Variants in HCN2 observed in about 807,000 individuals in gnomAD.
The protein encoded by HCN2 is potassium/sodium hyperpolarization-activated cyclic nucleotide-gated channel 2.
In HCN2, 20 loss-of-function variants were observed where a neutral mutation model predicts 52.3. The ratio of observed to expected loss-of-function variants is 0.38; its 90% confidence interval spans 0.27 to 0.56. HCN2 has a LOEUF of 0.56. Ranked by LOEUF, HCN2 falls within the 20% of genes least tolerant of loss-of-function variation. The probability of loss-of-function intolerance (pLI) is 0.71; values close to 1 mark genes in which losing one functional copy is unlikely to be tolerated. For synonymous variants in HCN2, 694 were observed against 537.0 expected (o/e 1.29, Z -4.04); for missense variants, 981 against 1,207.7 (o/e 0.81, Z 2.78).
chr19:613,350 G>A lies in HCN2; in HGVS notation c.1687G>A (p.Glu563Lys), dbSNP rs747405205. The part of the protein sequence containing the change: ...VTAMLTKLKF[E>K]VFQPGDYIIR... Reference sequence around the variant, plus strand: ...GGCCATGCTGACCAAGCTCAAGTTCGAGGTCTTCCAGCCGGGTGACTACAT... The same window carrying A: ...GGCCATGCTGACCAAGCTCAAGTTCAAGGTCTTCCAGCCGGGTGACTACAT... Residue 563 changes from glutamate to lysine, a missense_variant, in exon 6 of 8, where the codon GAG becomes AAG. Coordinates refer to ENST00000251287, the MANE Select transcript of HCN2 (RefSeq NM_001194.4). 2.5e-6 allele frequency: 4 copies of A among 1,613,048 alleles called. No homozygotes were observed. Among genetic ancestry groups the A allele is most frequent in the Non-Finnish European group, 3.4e-6 (4 of 1,179,920 alleles).
At chr19:607,502 G>A (rs554067551) in intron 3 of HCN2, among the ~76,000 whole-genome samples, 9 of 152,350 alleles carry the variant, frequency 5.9e-5, no homozygotes, top group Admixed American at 2.6e-4. Context: ...CCGCACATGC[G>A]GTCCCATTTC....
intron 1 of HCN2, among the ~76,000 whole-genome samples, chr19:601,526 G>GTGGTCA (rs140779247): frequency 0.11 from 16,033 of 148,592 alleles, 1,014 homozygotes; most frequent in Admixed American, 0.21. Context: ...ACACAGCGGA[G>GTGGTCA]TGGTCGTCGT....
rs1261726687 is a variant in HCN2 at position 616,308 on chromosome 19, C to A, written c.2504C>A (p.Ala835Glu). The change falls in exon 8 of 8, where the codon GCG (alanine) becomes GAG (glutamate). Residue 835 changes from alanine (A) to glutamate (E), a missense_variant. Ala to Glu is a moderately radical substitution (Grantham distance 107). Coordinates refer to ENST00000251287, the MANE Select transcript of HCN2 (RefSeq NM_001194.4). ...PSLPHGAPGP[A>E]ASTRPASSST... ...CTGCCTCACGGCGCCCCCGGCCCCG[C>A]GGCCTCCACACGCCCGGCCAGCAGC... 1 of 1,115,972 alleles carries A rather than the reference C, an allele frequency of 9.0e-7. No homozygotes were observed. Among genetic ancestry groups the A allele is most frequent in the African/African-American group, 1.7e-5 (1 of 59,420 alleles). 69.1% of individuals were successfully genotyped at this position (1,115,972 alleles called of 1,614,324 possible). A position where few individuals can be genotyped will look rare whatever the true frequency, so the allele number is the denominator to read the frequency against.
intron 7 of HCN2, 51 bp downstream of exon 7, chr19:614,067 C>G: frequency 7.4e-7 from 1 of 1,345,136 alleles, no homozygotes; most frequent in Non-Finnish European, 9.9e-7. Flanking sequence ...GGGGGAGGGG[C>G]GTGGCCAAGG....
rs1374193841 is a variant in HCN2 at position 617,071 on chromosome 19, C to G, written c.*597C>G. ...CGCCGTGATGAATGTACTGACGAGC[C>G]GAGGCAGCAGTGCCCCCACCGTGGC... On this transcript the variant is annotated 3_prime_UTR_variant, in exon 8 of 8. Coordinates refer to ENST00000251287, the MANE Select transcript of HCN2 (RefSeq NM_001194.4). 1.2e-5 allele frequency: 7 copies of G among 584,244 alleles called. No homozygotes were observed. The highest frequency in any genetic ancestry group is 1.9e-5 in the South Asian group (1 of 52,028). The allele number at this position is 584,244 out of a possible 1,614,324, so 36.2% of individuals were successfully genotyped here. A position where few individuals can be genotyped will look rare whatever the true frequency, so the allele number is the denominator to read the frequency against.
At position 613,583 on chromosome 19, in the gene HCN2, ATGGGGATGGGGATGGGGATG is replaced by A. The variant is rs1983745190; in HGVS notation, c.1825+96_1825+115del. ...GCCGGGGCCGGGGCCGGGGCCGGGG[ATGGGGATGGGGATGGGGATG>A]GGGCCGGGGATGGGGATGGGGATGG... On this transcript the variant is annotated intron_variant, in intron 6 of 7. Coordinates refer to ENST00000251287, the MANE Select transcript of HCN2 (RefSeq NM_001194.4). 2.3e-4 allele frequency: 17 copies of A among 75,214 alleles called. 4 individuals carry two copies. The South Asian group carries it at 2.9e-3, about 13-fold the overall frequency. 4.7% of individuals were successfully genotyped at this position (75,214 alleles called of 1,614,324 possible).
chr19:617,095 G>A lies in HCN2; in HGVS notation c.*621G>A, dbSNP rs1984001051. The stretch of plus-strand genomic sequence containing the variant: ...CCGAGGCAGCAGTGCCCCCACCGTG[G>A]CCCCCCACGCCCCATTAACCCCCAC... On this transcript the variant is annotated 3_prime_UTR_variant, in exon 8 of 8. Transcript: ENST00000251287. 5 of 513,436 alleles carry A rather than the reference G, an allele frequency of 9.7e-6. No individual in the cohort carries two copies. The highest frequency in any genetic ancestry group is 5.6e-4 in the Middle Eastern group (1 of 1,782). The allele number at this position is 513,436 out of a possible 1,614,324, so 31.8% of individuals were successfully genotyped here. A position where few individuals can be genotyped will look rare whatever the true frequency, so the allele number is the denominator to read the frequency against.
Position 603,623 on chromosome 19 carries a change from G to A in HCN2, c.712G>A (p.Asp238Asn). 6.2e-7 allele frequency: 1 copy of A among 1,612,242 alleles called. No homozygotes were observed. The highest frequency in any genetic ancestry group is 8.5e-7 in the Non-Finnish European group (1 of 1,179,474). Residue 238 changes from aspartate to asparagine, a missense_variant, in exon 2 of 8, where the codon GAT becomes AAT. By Grantham distance (23) the Asp-to-Asn change is conservative (BLOSUM62 1). This residue lies in a region of HCN2 where 282 missense variants were observed against 553.8 expected (regional missense o/e 0.51). Coordinates refer to ENST00000251287, the MANE Select transcript of HCN2 (RefSeq NM_001194.4). ...IIPVGITFFK[D>N]ETTAPWIVFN... ...CCCAGTGGGCATCACCTTCTTCAAG[G>A]ATGAGACCACTGCCCCGTGGATCGT... is the stretch of plus-strand genomic sequence containing the variant.
intron 4 of HCN2, among the ~76,000 whole-genome samples, chr19:609,986 C>T (rs565526066): frequency 1.2e-3 from 188 of 152,328 alleles, no homozygotes; most frequent in Non-Finnish European, 2.0e-3. Context: ...TGAATCTGGC[C>T]GCCCCTGTGT....
At chr19:600,624 C>T (rs899348851) in intron 1 of HCN2, among the ~76,000 whole-genome samples, 7 of 151,944 alleles carry the variant, frequency 4.6e-5, no homozygotes, top group South Asian at 4.2e-4. Flanking sequence ...GGATTACAGA[C>T]GTGAGCCACC....
Position 590,344 on chromosome 19 carries a change from G to T in HCN2, c.399G>T (p.Gly133=). 9.3e-7 allele frequency: 1 copy of T among 1,076,458 alleles called. No homozygotes were observed. The highest frequency in any genetic ancestry group is 1.1e-6 in the Non-Finnish European group (1 of 891,062). 66.7% of individuals were successfully genotyped at this position (1,076,458 alleles called of 1,614,324 possible). A position where few individuals can be genotyped will look rare whatever the true frequency, so the allele number is the denominator to read the frequency against. The part of the protein sequence containing the change: ...VSFSCRGAAS[G]PAPGPGPAEE... ...TCTCGTGCCGCGGGGCGGCCTCGGG[G>T]CCCGCGCCGGGGCCGGGGCCGGCGG... Residue 133 remains glycine, a synonymous_variant, in exon 1 of 8, where the codon GGG becomes GGT. Transcript: ENST00000251287. The surrounding 1 kb of genome is among the most constrained non-coding windows in gnomAD (Gnocchi z 7.2).
rs1306300973 is a variant in HCN2, at chr19:591,284, C to T, written c.632+707C>T. On this transcript the variant is annotated intron_variant, in intron 1 of 7. Transcript: ENST00000251287. This position sits in a 1 kb window ranked among gnomAD's most constrained non-coding sequence, Gnocchi z 4.1. ...GCCGGAGAGCGAGACCGGCGCGTGT[C>T]CCCGTGGGCTGTGTGTGAACAGGGG... 1 of 152,258 alleles carries T rather than the reference C, an allele frequency of 6.6e-6. No individual in the cohort carries two copies. The highest frequency in any genetic ancestry group is 2.4e-5 in the African/African-American group (1 of 41,420). 9.4% of individuals were successfully genotyped at this position (152,258 alleles called of 1,614,324 possible). A position where few individuals can be genotyped will look rare whatever the true frequency, so the allele number is the denominator to read the frequency against.
At position 590,248 on chromosome 19, in the gene HCN2, G is replaced by A; in HGVS notation, c.303G>A (p.Glu101=). ...CGGCCAAGGGCAGCCCGAACGGCGA[G>A]TGCGGGCGCGGCGAGCCGCAGTGCA... is the stretch of plus-strand genomic sequence containing the variant. ...ASTAKGSPNG[E]CGRGEPQCSP... The change falls in exon 1 of 8, where the codon GAG becomes GAA. Residue 101 remains glutamate, a synonymous_variant. Coordinates refer to ENST00000251287, the MANE Select transcript of HCN2 (RefSeq NM_001194.4). This position sits in a 1 kb window ranked among gnomAD's most constrained non-coding sequence, Gnocchi z 7.2. 2 of 988,896 alleles carry A rather than the reference G, an allele frequency of 2.0e-6. No homozygotes were observed. Among genetic ancestry groups the A allele is most frequent in the Non-Finnish European group, 2.4e-6 (2 of 833,946 alleles). 61.3% of individuals were successfully genotyped at this position (988,896 alleles called of 1,614,324 possible).
Position 590,071 on chromosome 19 carries a change from GCC to G in HCN2, c.133_134del (p.Pro45GlyfsTer23). 1.0e-5 allele frequency: 6 copies of G among 588,292 alleles called. No individual in the cohort carries two copies. The highest frequency in any genetic ancestry group is 8.4e-6 in the Non-Finnish European group (4 of 478,218). 36.4% of individuals were successfully genotyped at this position (588,292 alleles called of 1,614,324 possible). A position where few individuals can be genotyped will look rare whatever the true frequency, so the allele number is the denominator to read the frequency against. On this transcript the variant is annotated frameshift_variant, in exon 1 of 8. Transcript: ENST00000251287. LOFTEE classifies it high-confidence loss of function. This position sits in a 1 kb window ranked among gnomAD's most constrained non-coding sequence, Gnocchi z 7.2. ...QQPPPPPPPA[P>X]PPGPGPAPPQ... ...AGCCGCCGCCGCCGCCGCCGCCCGC[GCC>G]CCCCCCGGGCCCCGGGCCCGCGCCC...
Position 613,998 on chromosome 19 carries a change from G to A in HCN2, c.1972G>A (p.Asp658Asn), listed in dbSNP as rs1489542194. 1.3e-6 allele frequency: 2 copies of A among 1,592,314 alleles called. No homozygotes were observed. The highest frequency in any genetic ancestry group is 1.7e-6 in the Non-Finnish European group (2 of 1,169,982). ...MRRAFETVAI[D>N]RLDRIGKKNS... is the part of the protein sequence containing the mutation. ...GCGCGCCTTCGAGACGGTGGCCATC[G>A]ACCGCCTGGACCGCATCGGTGAGCG... The change falls in exon 7 of 8, where the codon GAC (aspartate) becomes AAC (asparagine). Residue 658 changes from aspartate to asparagine, a missense_variant. Coordinates refer to ENST00000251287, the MANE Select transcript of HCN2 (RefSeq NM_001194.4).
In HCN2 at chr19:613,298, C is replaced by T. The variant is rs762729967; in HGVS notation, c.1635C>T (p.Phe545=). 5 of 1,612,886 alleles carry T rather than the reference C, an allele frequency of 3.1e-6. No homozygotes were observed. The highest frequency in any genetic ancestry group is 1.7e-5 in the Admixed American group (1 of 59,996). The change falls in exon 6 of 8, where the codon TTC becomes TTT. Residue 545 remains phenylalanine (F), a synonymous_variant. Coordinates refer to ENST00000251287, the MANE Select transcript of HCN2 (RefSeq NM_001194.4). ...AGCTGGTGGCCTCCATGCCGCTGTT[C>T]GCCAACGCCGACCCCAACTTCGTCA... ...CRKLVASMPL[F]ANADPNFVTA...
chr19:610,919 C>CA (rs1051687329), intron 5 of HCN2, among the ~76,000 whole-genome samples: 4 of 152,212 alleles, frequency 2.6e-5, no homozygotes, highest in African/African-American at 9.7e-5. Context: ...GTGCTACCCC[C>CA]CCGGAGCCCC....
At position 613,492 on chromosome 19, in the gene HCN2, A is replaced by G. The variant is rs1600538119; in HGVS notation, c.1825+4A>G. The G allele has an allele frequency of 7.3e-7, 1 of 1,365,860 alleles. No individual in the cohort carries two copies. Among genetic ancestry groups the G allele is most frequent in the Non-Finnish European group, 9.7e-7 (1 of 1,028,326 alleles). The allele number at this position is 1,365,860 out of a possible 1,614,324, so 84.6% of individuals were successfully genotyped here. A position where few individuals can be genotyped will look rare whatever the true frequency, so the allele number is the denominator to read the frequency against. On this transcript the variant is annotated splice_donor_region_variant and intron_variant, in intron 6 of 7. Coordinates refer to ENST00000251287, the MANE Select transcript of HCN2 (RefSeq NM_001194.4). ...TCCGATGGCTCCTACTTCGGGGGTG[A>G]GCTTGAGGGGGGCGCGCCTGGAGGG...
At chr19:612,427 T>A (rs10410547) in intron 5 of HCN2, among the ~76,000 whole-genome samples, 48,059 of 142,372 alleles carry the variant, frequency 0.34, 7,974 homozygotes, top group East Asian at 0.36. Context: ...TGTGTGTGTG[T>A]GAGAGAGAGA....
Sources: gnomAD v4.1 joint callset for allele counts (sites outside exome capture counted in the v4.1 genomes callset) on GRCh38, gnomAD v4.1.1 for gene constraint, gnomAD v4.1.1 regional missense constraint, Gnocchi (gnomAD v3.1) non-coding constraint, MANE v1.5 for transcripts, NCBI Gene and HGNC (gene_info 2026-07-23, HGNC 2026-07-21) for gene names.